The following URGCP variants were observed in gnomAD, a reference collection of about 807,000 sequenced individuals.
The protein encoded by URGCP is up-regulator of cell proliferation.
URGCP carries 13 observed loss-of-function variants against 24.6 expected under a neutral mutation model. That is an observed-to-expected ratio of 0.53 (90% CI 0.34 to 0.84). The LOEUF is 0.84. Among genes scored for constraint, URGCP ranks in the 40% least tolerant of loss-of-function variants. The pLI is 0.01. For synonymous variants in URGCP, 444 were observed against 487.2 expected (o/e 0.91, Z 1.17); for missense variants, 899 against 1,194.3 (o/e 0.75, Z 3.64).
At chr7:43,916,710 C>CA (rs1654121505) in intron 1 of URGCP, among the ~76,000 whole-genome samples, 1 of 40,314 alleles carries the variant, frequency 2.5e-5, no homozygotes, top group South Asian at 1.9e-3. Context: ...ACTCCCTACC[C>CA]ACCCCCCCCC....
At chr7:43,919,355 C>T (rs2095919359) in intron 1 of URGCP, 1 of 847,974 alleles carries the variant, frequency 1.2e-6, no homozygotes, top group Non-Finnish European at 2.1e-6. Flanking sequence ...AGATCCTGCA[C>T]ATCCAGAACC....
intron 1 of URGCP, among the ~76,000 whole-genome samples, chr7:43,914,285 T>C (rs1404916160): frequency 2.0e-5 from 3 of 152,116 alleles, no homozygotes; most frequent in African/African-American, 4.8e-5. Context: ...GTGGATTGCT[T>C]GAGCCCAGGA....
At chr7:43,903,723 A>G (rs184090896) in intron 1 of URGCP, among the ~76,000 whole-genome samples, 262 of 152,306 alleles carry the variant, frequency 1.7e-3, no homozygotes, top group African/African-American at 5.9e-3. Flanking sequence ...ACTACTCCCA[A>G]TGCTGCATAC....
intron 3 of URGCP, among the ~76,000 whole-genome samples, chr7:43,882,572 C>T (rs909000938): frequency 6.6e-6 from 1 of 151,260 alleles, no homozygotes; most frequent in Non-Finnish European, 1.5e-5. Flanking sequence ...TGCACCACTG[C>T]ATTCCAGCGT....
intron 3 of URGCP, 40 bp downstream of exon 3, chr7:43,887,375 A>C: frequency 6.2e-7 from 1 of 1,610,040 alleles, no homozygotes; most frequent in Non-Finnish European, 8.5e-7. Context: ...GAAGTACTTC[A>C]GCTCCAGAGT....
At chr7:43,905,810 A>T (rs2132714213) in intron 1 of URGCP, 1 of 152,368 alleles carries the variant, frequency 6.6e-6, no homozygotes, top group South Asian at 2.1e-4. Context: ...AAAATTATCA[A>T]AACAAAAAAC....
intron 3 of URGCP, among the ~76,000 whole-genome samples, chr7:43,884,605 G>C (rs1041986309): frequency 6.6e-6 from 1 of 152,194 alleles, no homozygotes; most frequent in Non-Finnish European, 1.5e-5. Context: ...AACGCAGGAG[G>C]ATCACTTGAG....
chr7:43,902,004 A>G (rs78798253), intron 1 of URGCP, among the ~76,000 whole-genome samples: 14,168 of 152,058 alleles, frequency 0.093, 844 homozygotes, highest in Middle Eastern at 0.16. Flanking sequence ...GAATGTTTAA[A>G]GGAACAGTGG....
chr7:43,881,856 C>A (rs761354564), intron 4 of URGCP, 51 bp downstream of exon 4: 2 of 1,607,738 alleles, frequency 1.2e-6, no homozygotes, highest in African/African-American at 2.7e-5. Context: ...GTCACTTTAC[C>A]CACTCCCCCT....
intron 5 of URGCP, chr7:43,881,097 T>A: frequency 1.5e-6 from 1 of 678,384 alleles, no homozygotes; most frequent in South Asian, 1.6e-5. Flanking sequence ...TACTCAGGTT[T>A]CCTAGCTTTG....
intron 1 of URGCP, among the ~76,000 whole-genome samples, chr7:43,893,291 T>C (rs1465992656): frequency 6.6e-6 from 1 of 152,164 alleles, no homozygotes; most frequent in Non-Finnish European, 1.5e-5. Context: ...GACTGCACTG[T>C]TCCACTTGAG....
At chr7:43,897,887 C>G (rs1159488811) in intron 1 of URGCP, among the ~76,000 whole-genome samples, 3 of 152,092 alleles carry the variant, frequency 2.0e-5, no homozygotes, top group Non-Finnish European at 4.4e-5. Flanking sequence ...AGACACAAGC[C>G]AAAATAAGTT....
At chr7:43,908,088 C>G (rs77802748), upstream of URGCP, among the ~76,000 whole-genome samples, 28 of 152,154 alleles carry the variant, frequency 1.8e-4, no homozygotes, top group East Asian at 3.9e-3. Flanking sequence ...AGAATTTTTT[C>G]TTTGTTTGTT....
chr7:43,890,517 T>A (rs1398721551), intron 1 of URGCP, among the ~76,000 whole-genome samples: 2 of 152,056 alleles, frequency 1.3e-5, no homozygotes, highest in African/African-American at 4.8e-5. Context: ...CGCCCAGCCA[T>A]GGAAGCAATT....
At chr7:43,914,136 G>C (rs561684434) in intron 1 of URGCP, among the ~76,000 whole-genome samples, 1 of 152,326 alleles carries the variant, frequency 6.6e-6, no homozygotes, top group African/African-American at 2.4e-5. Context: ...TGGTACTACA[G>C]GTGCTTGCCA....
At chr7:43,893,211 C>A (rs1250175161) in intron 1 of URGCP, among the ~76,000 whole-genome samples, 2 of 152,174 alleles carry the variant, frequency 1.3e-5, no homozygotes, top group East Asian at 3.9e-4. Context: ...AGGCTGTAGT[C>A]CCAGCTACTC....
upstream of URGCP, chr7:43,926,422 C>G: frequency 8.0e-6 from 8 of 1,003,734 alleles, no homozygotes; most frequent in Non-Finnish European, 1.0e-5. Flanking sequence ...GCCCCGCGCG[C>G]GCAAGCGCAG....
intron 1 of URGCP, chr7:43,918,902 G>A (rs2095918799): frequency 7.1e-7 from 1 of 1,406,558 alleles, no homozygotes; most frequent in Non-Finnish European, 1.0e-6. Flanking sequence ...TGCTGGACCT[G>A]GAGCCCCAGG....
At chr7:43,892,861 C>A (rs1054639463) in intron 1 of URGCP, among the ~76,000 whole-genome samples, 2 of 152,034 alleles carry the variant, frequency 1.3e-5, no homozygotes, top group African/African-American at 4.8e-5. Flanking sequence ...GTTTCCCAGA[C>A]AAGTAAAAAC....
Sources: gnomAD v4.1 joint callset for allele counts (sites outside exome capture counted in the v4.1 genomes callset) on GRCh38, gnomAD v4.1.1 for gene constraint, MANE v1.5 for transcripts, NCBI Gene and HGNC (gene_info 2026-07-23, HGNC 2026-07-21) for gene names.